FBXL17: variants seen among roughly 807,000 people sequenced by gnomAD.
FBXL17 encodes F-box and leucine rich repeat protein 17, also known as F-box/LRR-repeat protein 17.
In FBXL17, 22 loss-of-function variants were observed where a neutral mutation model predicts 66.2. The ratio of observed to expected loss-of-function variants is 0.33; its 90% CI spans 0.24 to 0.47. FBXL17 has a LOEUF of 0.47. Ranked by LOEUF, FBXL17 falls within the 20% of genes least tolerant of loss-of-function variation. The probability of loss-of-function intolerance (pLI) is 1.00; values close to 1 mark genes in which losing one functional copy is unlikely to be tolerated. For synonymous variants in FBXL17, 474 were observed against 400.5 expected, an observed-to-expected ratio of 1.18 and a Z score of -2.19; for missense variants, 878 against 948.2, an observed-to-expected ratio of 0.93 and a Z score of 0.97.
intron 5 of FBXL17, among the ~76,000 whole-genome samples, chr5:108,209,615 T>C (rs981215833): frequency 2.8e-4 from 42 of 152,232 alleles, no homozygotes; most frequent in African/African-American, 9.9e-4. Flanking sequence ...ATTACATTTA[T>C]TGATTTTCTT....
At chr5:108,367,997 T>G in intron 1 of FBXL17, 44 bp from the exon 2 acceptor site, 1 of 1,509,110 alleles carries the variant, frequency 6.6e-7, no homozygotes. Flanking sequence ...CTAAACATTT[T>G]CAAGGCACAG....
chr5:107,964,889 T>C (rs1445204401), intron 7 of FBXL17, among the ~76,000 whole-genome samples: 1 of 152,148 alleles, frequency 6.6e-6, no homozygotes, highest in Non-Finnish European at 1.5e-5. Context: ...GGCTTCCCTA[T>C]TCTGCAGAGA....
chr5:108,368,599 G>C (rs901795748), intron 1 of FBXL17, among the ~76,000 whole-genome samples: 2 of 152,086 alleles, frequency 1.3e-5, no homozygotes, highest in African/African-American at 4.8e-5. Flanking sequence ...TCACAATTCA[G>C]AGGAGACTAA....
At chr5:108,044,707 T>A (rs1747183896) in intron 6 of FBXL17, among the ~76,000 whole-genome samples, 1 of 152,220 alleles carries the variant, frequency 6.6e-6, no homozygotes. Context: ...TGTCTAGAAT[T>A]GGCATTGATT....
chr5:108,061,271 G>A (rs1426277891), intron 6 of FBXL17, among the ~76,000 whole-genome samples: 1 of 151,300 alleles, frequency 6.6e-6, no homozygotes, highest in African/African-American at 2.4e-5. Context: ...TGGGTAACAA[G>A]AGCCAAACCC....
intron 6 of FBXL17, among the ~76,000 whole-genome samples, chr5:108,070,512 C>A (rs928163571): frequency 6.6e-6 from 1 of 152,176 alleles, no homozygotes; most frequent in African/African-American, 2.4e-5. Context: ...CTTATCACTA[C>A]GAATGCTTCA....
chr5:108,115,310 AAT>A (rs1236338403), intron 6 of FBXL17, among the ~76,000 whole-genome samples: 4 of 152,186 alleles, frequency 2.6e-5, no homozygotes, highest in Non-Finnish European at 5.9e-5. Context: ...CAGTTTTTAA[AAT>A]ATGAGAATTG....
At chr5:108,158,373 T>C (rs1174326451) in intron 6 of FBXL17, among the ~76,000 whole-genome samples, 1 of 152,136 alleles carries the variant, frequency 6.6e-6, no homozygotes, top group Non-Finnish European at 1.5e-5. Context: ...GAAATTTTAA[T>C]AAGAAAATTA....
intron 8 of FBXL17, chr5:107,878,277 T>C (rs1369016013): frequency 2.1e-6 from 2 of 942,504 alleles, no homozygotes; most frequent in Admixed American, 6.2e-5. Flanking sequence ...AATGGGATAG[T>C]AGGCAATATA....
intron 7 of FBXL17, among the ~76,000 whole-genome samples, chr5:107,954,856 T>C (rs1751609564): frequency 6.6e-6 from 1 of 152,170 alleles, no homozygotes; most frequent in African/African-American, 2.4e-5. Context: ...AATTCCTATC[T>C]ATAAAATGAG....
rs964230363 is a variant in FBXL17, at chr5:107,975,567, T to C, written c.1822+45358A>G. ...TAAAATGAATGTGTTTTTTAAAATGTGTTTTGGCACACTCTATTATATTAA... is the reference window on the plus strand; with the variant it reads ...TAAAATGAATGTGTTTTTTAAAATGCGTTTTGGCACACTCTATTATATTAA... On this transcript the variant is annotated intron_variant, in intron 7 of 8. Coordinates refer to ENST00000542267, the MANE Select transcript of FBXL17 (RefSeq NM_001163315.3). Among the ~76,000 whole-genome samples, 6 of 152,096 alleles carry C rather than the reference T, an allele frequency of 3.9e-5. No individual in the cohort carries two copies. In the East Asian group the frequency reaches 1.2e-3, roughly 29 times the overall value.
At chr5:107,889,037 GGTAC>G (rs1491003638) in intron 7 of FBXL17, among the ~76,000 whole-genome samples, 1 of 140,426 alleles carries the variant, frequency 7.1e-6, no homozygotes, top group Non-Finnish European at 1.6e-5. Flanking sequence ...TGTTCTAGTG[GGTAC>G]GTAGTAGTAC....
At chr5:108,049,314 T>C (rs1050640004) in intron 6 of FBXL17, among the ~76,000 whole-genome samples, 2 of 151,914 alleles carry the variant, frequency 1.3e-5, no homozygotes, top group Admixed American at 6.6e-5. Context: ...AGCTAATTTT[T>C]TTTTTTTTAA....
intron 3 of FBXL17, among the ~76,000 whole-genome samples, chr5:108,359,765 T>C (rs1748222946): frequency 6.6e-6 from 1 of 152,144 alleles, no homozygotes; most frequent in Non-Finnish European, 1.5e-5. Flanking sequence ...AGAATGTGTA[T>C]TCTTTTGTTG....
At chr5:108,256,443 G>A (rs1377372428) in intron 4 of FBXL17, among the ~76,000 whole-genome samples, 1 of 151,972 alleles carries the variant, frequency 6.6e-6, no homozygotes, top group Non-Finnish European at 1.5e-5. Context: ...TTAAAAAATA[G>A]CAGACTTGTC....
intron 4 of FBXL17, chr5:108,297,790 A>C: frequency 1.4e-6 from 1 of 737,422 alleles, no homozygotes; most frequent in Non-Finnish European, 1.7e-6. Flanking sequence ...TAAGTCATTT[A>C]TTCCAACTTA....
intron 6 of FBXL17, among the ~76,000 whole-genome samples, chr5:108,099,364 A>G (rs1749514210): frequency 6.6e-6 from 1 of 152,218 alleles, no homozygotes; most frequent in Non-Finnish European, 1.5e-5. Context: ...CAGATCAAAA[A>G]GAGAAAAGCA....
chr5:108,376,645 A>T (rs1044326686), intron 1 of FBXL17, among the ~76,000 whole-genome samples: 19 of 152,134 alleles, frequency 1.2e-4, no homozygotes, highest in African/African-American at 4.6e-4. Flanking sequence ...GCTAAGTCTA[A>T]TATCTAGGCT....
chr5:108,216,773 C>T lies in FBXL17; in HGVS notation c.1614+7348G>A, dbSNP rs1277624547. On this transcript the variant is annotated intron_variant, in intron 5 of 8. Coordinates refer to ENST00000542267, the MANE Select transcript of FBXL17 (RefSeq NM_001163315.3). The stretch of plus-strand genomic sequence containing the variant: ...AAAGCAGCCTGAGAAAAAATTCAAG[C>T]GGCAGGTACCAATAAGGGAACTAGC... Among the ~76,000 whole-genome samples, 8 of 152,224 alleles carry T rather than the reference C, an allele frequency of 5.3e-5. No individual in the cohort carries two copies. The East Asian group carries it at 1.4e-3, about 26-fold the overall frequency.
Sources: allele counts gnomAD v4.1 joint callset (sites outside exome capture counted in the v4.1 genomes callset), GRCh38; gene constraint gnomAD v4.1.1; transcripts MANE v1.5; gene names NCBI Gene and HGNC (gene_info 2026-07-23, HGNC 2026-07-21).